Variants in TRPM5 observed in about 807,000 individuals in gnomAD.
TRPM5 encodes MLSN1 and TRP-related.
TRPM5 carries 121 observed loss-of-function variants against 124.9 expected under a neutral mutation model. The ratio of observed to expected loss-of-function variants is 0.97; its 90% CI spans 0.84 to 1.13. The LOEUF (loss-of-function observed/expected upper bound fraction) is 1.13, where lower values mean the gene tolerates loss of function less well. Among genes scored for constraint, TRPM5 ranks in the 50% most tolerant of loss-of-function variants. The pLI, the probability that TRPM5 is intolerant of heterozygous loss-of-function variation, is 0.00. For missense variants in TRPM5, 1,643 were observed against 1,589.1 expected (o/e 1.03, Z -0.58); for synonymous variants, 781 against 700.5 (o/e 1.11, Z -1.81).
At position 2,411,619 on chromosome 11, in the gene TRPM5, G is replaced by A. The variant is rs1565008715; in HGVS notation, c.2607+16C>T. On this transcript the variant is annotated intron_variant, in intron 17 of 23. Transcript: ENST00000155858. ...CTGTCCCTCCAGGGCCAGGGCCAGG[G>A]CCCCCGGGGGCTCACCATGCGCTCT... 1.9e-6 allele frequency: 3 copies of A among 1,611,614 alleles called. No individual in the cohort carries two copies. The highest frequency in any genetic ancestry group is 1.6e-4 in the Middle Eastern group (1 of 6,074).
intron 20 of TRPM5, among the ~76,000 whole-genome samples, 155 bp from the exon 26 acceptor site, chr11:2,406,948 A>G (rs978174252): frequency 1.3e-5 from 2 of 152,158 alleles, no homozygotes; most frequent in African/African-American, 4.8e-5. Flanking sequence ...AAGGACGGCC[A>G]AGCTGCGGGT....
At chr11:2,413,645 C>T in intron 12 of TRPM5, 57 bp from the exon 18 acceptor site, 1 of 1,515,988 alleles carries the variant, frequency 6.6e-7, no homozygotes, top group South Asian at 1.2e-5. Flanking sequence ...AGGCTGCGCC[C>T]TGCCCCAGGA....
At chr11:2,438,237 C>T in the TRPM5 span, among the ~76,000 whole-genome samples, 65 of 152,142 alleles carry the variant, frequency 4.3e-4, no homozygotes, top group African/African-American at 1.2e-3. This position sits in a 1 kb window ranked among gnomAD's most constrained non-coding sequence, Gnocchi z 5.9. Context: ...TCATATTGAA[C>T]GGGCAAAAGC....
At chr11:2,437,344 G>A in the TRPM5 span, among the ~76,000 whole-genome samples, 19 of 152,292 alleles carry the variant, frequency 1.2e-4, no homozygotes, top group Non-Finnish European at 2.6e-4. This position sits in a 1 kb window ranked among gnomAD's most constrained non-coding sequence, Gnocchi z 5.6. Flanking sequence ...GATTTCACAG[G>A]TGAGAAAATT....
rs748759174 is a variant in TRPM5, at chr11:2,417,719, G to A, written c.1009+8C>T. The A allele has an allele frequency of 3.7e-5, 14 of 382,328 alleles. No individual in the cohort carries two copies. Among genetic ancestry groups the A allele is most frequent in the East Asian group, 1.5e-4 (2 of 13,390 alleles). The allele number at this position is 382,328 out of a possible 1,614,324, so 23.7% of individuals were successfully genotyped here. A position where few individuals can be genotyped will look rare whatever the true frequency, so the allele number is the denominator to read the frequency against. On this transcript the variant is annotated splice_region_variant and intron_variant, in intron 7 of 23. Transcript: ENST00000155858. Reference sequence around the variant, plus strand: ...GGCGCCTGCCTTGCCCACCCTGCCCGCCCTCACCTTTCACCAGCGCCTTCA... The same window carrying A: ...GGCGCCTGCCTTGCCCACCCTGCCCACCCTCACCTTTCACCAGCGCCTTCA...
intron 12 of TRPM5, 89 bp downstream of exon 17, chr11:2,413,972 T>G: frequency 6.6e-7 from 1 of 1,509,262 alleles, no homozygotes. Flanking sequence ...ACAGGGCAGC[T>G]GCAGGCTGGG....
At chr11:2,417,512 G>A (rs1482566746) in intron 7 of TRPM5, among the ~76,000 whole-genome samples, 1 of 152,206 alleles carries the variant, frequency 6.6e-6, no homozygotes, top group Non-Finnish European at 1.5e-5. Context: ...AAATACCACT[G>A]AATTGAGAGC....
chr11:2,414,829 C>T (rs1181419945), exon 11 of TRPM5: 1 of 1,592,304 alleles, frequency 6.3e-7, no homozygotes, highest in Admixed American at 1.7e-5. Context: ...GCTGCCACAC[C>T]TTCCTGGCCC....
At chr11:2,424,845 C>T (rs1845824001), upstream of TRPM5, among the ~76,000 whole-genome samples, 1 of 152,222 alleles carries the variant, frequency 6.6e-6, no homozygotes, top group Non-Finnish European at 1.5e-5. Context: ...CCAAGTCAAC[C>T]CCGGCACGAC....
chr11:2,411,066 G>A (rs1003402001), intron 18 of TRPM5, among the ~76,000 whole-genome samples: 1 of 152,130 alleles, frequency 6.6e-6, no homozygotes, highest in Non-Finnish European at 1.5e-5. Context: ...CAAGCAGGAG[G>A]CAGCCCTGGC....
chr11:2,416,446 G>C (rs1362823151), intron 7 of TRPM5, among the ~76,000 whole-genome samples: 1 of 152,166 alleles, frequency 6.6e-6, no homozygotes, highest in African/African-American at 2.4e-5. Flanking sequence ...GTCACTCAAG[G>C]GGGGCCTGCA....
At chr11:2,404,155 C>A (rs1850265492), downstream of TRPM5, among the ~76,000 whole-genome samples, 1 of 152,214 alleles carries the variant, frequency 6.6e-6, no homozygotes, top group Non-Finnish European at 1.5e-5. Context: ...AGCCCCAGGC[C>A]TAGTGCAGAC....
intron 21 of TRPM5, among the ~76,000 whole-genome samples, chr11:2,406,342 G>A (rs1318479059): frequency 3.3e-5 from 5 of 152,196 alleles, no homozygotes; most frequent in Non-Finnish European, 5.9e-5. Context: ...CCAGAAAGAC[G>A]GTGCAGGGCA....
At chr11:2,426,093 G>A (rs1845838196), upstream of TRPM5, among the ~76,000 whole-genome samples, 1 of 152,164 alleles carries the variant, frequency 6.6e-6, no homozygotes, top group Admixed American at 6.5e-5. Context: ...AAGACCCCCG[G>A]GACGACCAGC....
chr11:2,413,254 G>A lies in TRPM5; in HGVS notation c.2004-28C>T, dbSNP rs993114184. On this transcript the variant is annotated intron_variant, in intron 13 of 23. Transcript: ENST00000155858. ...GCGAGCACAGGAGAGCTCAGGGCCC[G>A]CAGGAAGGGCTCCCAGAGGCGCCTG... is the stretch of plus-strand genomic sequence containing the variant. 23 of 1,507,800 alleles carry A rather than the reference G, an allele frequency of 1.5e-5. No homozygotes were observed. The Admixed American group carries it at 2.8e-4, about 19-fold the overall frequency. 93.4% of individuals were successfully genotyped at this position (1,507,800 alleles called of 1,614,324 possible). A position where few individuals can be genotyped will look rare whatever the true frequency, so the allele number is the denominator to read the frequency against.
chr11:2,409,451 T>C (rs1850398302), intron 18 of TRPM5, among the ~76,000 whole-genome samples: 1 of 152,138 alleles, frequency 6.6e-6, no homozygotes, highest in Non-Finnish European at 1.5e-5. Context: ...GAAATTAAAT[T>C]GTCCCTGGGG....
upstream of TRPM5, among the ~76,000 whole-genome samples, chr11:2,424,821 C>T (rs1032691320): frequency 6.6e-6 from 1 of 152,210 alleles, no homozygotes; most frequent in African/African-American, 2.4e-5. Context: ...CTGCCCAGGG[C>T]CCCCCTGTGA....
chr11:2,418,248 G>A, exon 6 of TRPM5: 1 of 1,586,306 alleles, frequency 6.3e-7, no homozygotes, highest in Non-Finnish European at 8.6e-7. Flanking sequence ...CGGCCACCTT[G>A]GGCACCAGGA....
Position 2,414,356 on chromosome 11 carries a change from G to A in TRPM5, c.1745-150C>T, listed in dbSNP as rs578149224. The A allele has an allele frequency of 9.8e-5, 115 of 1,177,942 alleles. No individual in the cohort carries two copies. In the South Asian group the frequency reaches 1.4e-3, roughly 14 times the overall value. The allele number at this position is 1,177,942 out of a possible 1,614,324, so 73.0% of individuals were successfully genotyped here. A position where few individuals can be genotyped will look rare whatever the true frequency, so the allele number is the denominator to read the frequency against. On this transcript the variant is annotated intron_variant, in intron 11 of 23. Transcript: ENST00000155858. ...CCCAGCCAGGCCTTCTGCCCCCTCCGGCCTGCTCCGGGCCCTTCCTGAACC... is the reference window on the plus strand; with the variant it reads ...CCCAGCCAGGCCTTCTGCCCCCTCCAGCCTGCTCCGGGCCCTTCCTGAACC...
Sources: gnomAD v4.1 joint callset for allele counts (sites outside exome capture counted in the v4.1 genomes callset) on GRCh38, gnomAD v4.1.1 for gene constraint, Gnocchi (gnomAD v3.1) non-coding constraint, MANE v1.5 for transcripts, NCBI Gene and HGNC (gene_info 2026-07-23, HGNC 2026-07-21) for gene names.